The following CRACD variants were observed in gnomAD, a reference collection of about 807,000 sequenced individuals.
CRACD encodes capping protein-inhibiting regulator of actin dynamics.
In CRACD, 56 loss-of-function variants were observed where a neutral mutation model predicts 106.8. The ratio of observed to expected loss-of-function variants is 0.52; its 90% CI spans 0.42 to 0.66. The LOEUF is 0.66. Ranked by LOEUF, CRACD falls within the 30% of genes least tolerant of loss-of-function variation. The pLI, the probability that CRACD is intolerant of heterozygous loss-of-function variation, is 0.00. For missense variants in CRACD, 1,730 were observed against 1,623.2 expected (o/e 1.07, Z -1.13); for synonymous variants, 754 against 670.8 (o/e 1.12, Z -1.92).
chr4:56,313,722 T>C (rs1745308625), intron 7 of CRACD, among the ~76,000 whole-genome samples: 2 of 152,092 alleles, frequency 1.3e-5, no homozygotes. Context: ...GAAGTCCAAG[T>C]CTCTTTTTGC....
chr4:56,287,817 T>C (rs1339239335), intron 3 of CRACD, among the ~76,000 whole-genome samples: 1 of 152,164 alleles, frequency 6.6e-6, no homozygotes, highest in African/African-American at 2.4e-5. Flanking sequence ...AAAGGAGAAA[T>C]ACCAATGTGT....
intron 2 of CRACD, among the ~76,000 whole-genome samples, chr4:56,267,083 A>G (rs912312926): frequency 2.6e-5 from 4 of 152,112 alleles, no homozygotes; most frequent in Admixed American, 2.0e-4. Context: ...ACCACAGTCA[A>G]TAATAAAATA....
At chr4:56,238,207 A>C (rs1029508049) in intron 2 of CRACD, among the ~76,000 whole-genome samples, 1 of 152,220 alleles carries the variant, frequency 6.6e-6, no homozygotes, top group Non-Finnish European at 1.5e-5. Flanking sequence ...GGAGGCTTGA[A>C]GGCTGCAGGC....
chr4:56,188,725 G>C (rs1466485261), intron 2 of CRACD, among the ~76,000 whole-genome samples: 3 of 150,440 alleles, frequency 2.0e-5, no homozygotes, highest in Non-Finnish European at 4.4e-5. Flanking sequence ...GAGAGAGAGA[G>C]AGAGAGAGAG....
chr4:56,133,645 C>T (rs1734896761), intron 1 of CRACD, among the ~76,000 whole-genome samples: 1 of 152,138 alleles, frequency 6.6e-6, no homozygotes, highest in South Asian at 2.1e-4. Context: ...TGCATGAAAA[C>T]AAACCTTAAA....
rs114585739 is a variant in CRACD, at chr4:56,138,419, G to T, written c.-335-40865G>T. On this transcript the variant is annotated intron_variant, in intron 1 of 10. Coordinates refer to ENST00000682029, the MANE Select transcript of CRACD (RefSeq NM_001393381.1). ...GCGGAAGTTGCAGTGAGCCAAGATT[G>T]TGTCACTGCAACTCCAGCCTGGGTG... Among the ~76,000 whole-genome samples, 906 of 152,164 alleles carry T rather than the reference G, an allele frequency of 6.0e-3. 2 individuals are homozygous for T. The highest frequency in any genetic ancestry group is 0.021 in the African/African-American group (866 of 41,506).
At chr4:56,120,887 A>C (rs1376856247) in intron 1 of CRACD, among the ~76,000 whole-genome samples, 1 of 152,226 alleles carries the variant, frequency 6.6e-6, no homozygotes, top group African/African-American at 2.4e-5. Context: ...TGGTTTAAGC[A>C]TGTGATATCA....
In CRACD at chr4:56,315,950, C is replaced by G. The variant is rs368171333; in HGVS notation, c.2448C>G (p.Phe816Leu). The G allele has an allele frequency of 1.2e-6, 2 of 1,614,122 alleles. No homozygotes were observed. Among genetic ancestry groups the G allele is most frequent in the African/African-American group, 2.7e-5 (2 of 74,946 alleles). Residue 816 changes from phenylalanine (F) to leucine (L), a missense_variant, in exon 8 of 11, where the codon TTC becomes TTG. By Grantham distance (22) the Phe-to-Leu change is conservative (BLOSUM62 0). This residue lies in a region of CRACD where 1,620 missense variants were observed against 1,481.6 expected (regional missense o/e 1.09). Coordinates refer to ENST00000682029, the MANE Select transcript of CRACD (RefSeq NM_001393381.1). This position sits in a 1 kb window ranked among gnomAD's most constrained non-coding sequence, Gnocchi z 4.1. ...PPQKVVAHTE[F>L]TTSSDSETAN... ...AGAAAGTGGTGGCCCACACAGAGTT[C>G]ACGACCTCGTCGGACAGCGAGACTG...
intron 2 of CRACD, among the ~76,000 whole-genome samples, chr4:56,202,744 C>T (rs763248797): frequency 5.2e-4 from 79 of 152,004 alleles, no homozygotes; most frequent in Admixed American, 3.3e-4. Flanking sequence ...TCAGATTAAA[C>T]CTTCTGAAAT....
chr4:56,225,714 A>C (rs1739265796), intron 2 of CRACD, among the ~76,000 whole-genome samples: 1 of 152,214 alleles, frequency 6.6e-6, no homozygotes, highest in Non-Finnish European at 1.5e-5. Context: ...CCTTTTGTTC[A>C]TCATTGTGAA....
chr4:56,307,914 C>G (rs1401956936), intron 5 of CRACD, among the ~76,000 whole-genome samples: 1 of 152,172 alleles, frequency 6.6e-6, no homozygotes, highest in Admixed American at 6.5e-5. Context: ...AGGCGGTCTT[C>G]CCAGTGTCTT....
intron 2 of CRACD, among the ~76,000 whole-genome samples, chr4:56,247,849 GA>G (rs58377145): frequency 0.57 from 83,149 of 145,862 alleles, 23,861 homozygotes; most frequent in Middle Eastern, 0.7. Flanking sequence ...CCATCTTACA[GA>G]AAAAAAAAAA....
chr4:56,291,123 A>G (rs1338879049), intron 3 of CRACD, among the ~76,000 whole-genome samples: 1 of 152,234 alleles, frequency 6.6e-6, no homozygotes, highest in South Asian at 2.1e-4. Context: ...TCTCAGTAGC[A>G]GAAGAGAAGG....
intron 2 of CRACD, among the ~76,000 whole-genome samples, chr4:56,180,207 A>G (rs950756240): frequency 1.4e-4 from 22 of 151,932 alleles, no homozygotes; most frequent in African/African-American, 5.3e-4. Context: ...ATAACATCAT[A>G]TCAGCCGGGC....
intron 2 of CRACD, among the ~76,000 whole-genome samples, chr4:56,180,671 G>A (rs1202925031): frequency 2.0e-5 from 3 of 152,066 alleles, no homozygotes; most frequent in African/African-American, 7.2e-5. Context: ...GACCTATTAC[G>A]ATAACTACCT....
At chr4:56,276,181 A>G (rs1484907619) in intron 3 of CRACD, among the ~76,000 whole-genome samples, 4 of 152,146 alleles carry the variant, frequency 2.6e-5, no homozygotes, top group African/African-American at 9.7e-5. Flanking sequence ...ATTTTTAAGA[A>G]TCTAATGTGA....
At chr4:56,158,182 C>T (rs1461331463) in intron 1 of CRACD, among the ~76,000 whole-genome samples, 1 of 152,156 alleles carries the variant, frequency 6.6e-6, no homozygotes, top group East Asian at 1.9e-4. Flanking sequence ...ATCCCTTTTC[C>T]ACAGATCAAG....
chr4:56,083,071 A>G lies in CRACD; in HGVS notation c.-336+33772A>G, dbSNP rs150292827. Among the ~76,000 whole-genome samples, 751 of 152,330 alleles carry G rather than the reference A, an allele frequency of 4.9e-3. 11 individuals carry two copies. The highest frequency in any genetic ancestry group is 0.016 in the African/African-American group (681 of 41,568). ...TCACACAGACTCTTCACTCTCTTCC[A>G]TTCTAACCTGGAGCCAGAGAGACAC... On this transcript the variant is annotated intron_variant, in intron 1 of 10. Coordinates refer to ENST00000682029, the MANE Select transcript of CRACD (RefSeq NM_001393381.1).
At chr4:56,269,201 A>G (rs1290347064) in intron 2 of CRACD, among the ~76,000 whole-genome samples, 1 of 151,984 alleles carries the variant, frequency 6.6e-6, no homozygotes, top group Non-Finnish European at 1.5e-5. Flanking sequence ...TGGCCAACAC[A>G]GTGATACCCC....
Sources: gnomAD v4.1 joint callset for allele counts (sites outside exome capture counted in the v4.1 genomes callset) on GRCh38, gnomAD v4.1.1 for gene constraint, gnomAD v4.1.1 regional missense constraint, Gnocchi (gnomAD v3.1) non-coding constraint, MANE v1.5 for transcripts, NCBI Gene and HGNC (gene_info 2026-07-23, HGNC 2026-07-21) for gene names.